TBC1D9: variants seen among roughly 807,000 people sequenced by gnomAD.
TBC1D9 encodes the protein TBC1 domain family member 9A.
A neutral mutation model predicts 132.0 loss-of-function variants in TBC1D9; 63 were observed. The observed-to-expected ratio is 0.48, with a 90% CI of 0.39 to 0.59. TBC1D9 has a LOEUF of 0.59. Ranked by LOEUF, TBC1D9 falls within the 20% of genes least tolerant of loss-of-function variation. TBC1D9 has a pLI of 0.00. For missense variants in TBC1D9, 1,261 were observed against 1,592.7 expected (o/e 0.79, Z 3.54); for synonymous variants, 610 against 609.9 (o/e 1.00, Z 0.00).
chr4:140,672,209 A>C (rs1737548312), intron 6 of TBC1D9, among the ~76,000 whole-genome samples: 1 of 149,778 alleles, frequency 6.7e-6, no homozygotes, highest in Non-Finnish European at 1.5e-5. Context: ...TATATGTGTT[A>C]ATATATGACA....
At chr4:140,715,497 A>G (rs928780594) in intron 1 of TBC1D9, among the ~76,000 whole-genome samples, 7 of 152,358 alleles carry the variant, frequency 4.6e-5, no homozygotes, top group African/African-American at 1.2e-4. Context: ...AGTGACCAAC[A>G]AAAACCCTAA....
At chr4:140,709,248 T>TCTCTCTCTCTCTCTCA (rs1382500714) in intron 1 of TBC1D9, among the ~76,000 whole-genome samples, 1 of 104,148 alleles carries the variant, frequency 9.6e-6, no homozygotes, top group African/African-American at 4.4e-5. Flanking sequence ...TCTCTCTCTC[T>TCTCTCTCTCTCTCTCA]CACACACACA....
intron 15 of TBC1D9, among the ~76,000 whole-genome samples, chr4:140,637,372 AT>A (rs1736897827): frequency 6.7e-6 from 1 of 149,044 alleles, no homozygotes; most frequent in Non-Finnish European, 1.5e-5. Context: ...AAAAAAAAAG[AT>A]GTGATTTCAA....
intron 2 of TBC1D9, among the ~76,000 whole-genome samples, chr4:140,698,684 G>A (rs937504985): frequency 6.6e-6 from 1 of 151,292 alleles, no homozygotes; most frequent in African/African-American, 2.4e-5. Flanking sequence ...GTTGCAGTGA[G>A]CTGAGATCGT....
chr4:140,710,913 G>A (rs1738232513), intron 1 of TBC1D9, among the ~76,000 whole-genome samples: 1 of 152,120 alleles, frequency 6.6e-6, no homozygotes, highest in Admixed American at 6.5e-5. Context: ...ATTAAGCCAA[G>A]CCCAGCGCTT....
chr4:140,699,297 A>T (rs1205565472), intron 2 of TBC1D9, among the ~76,000 whole-genome samples: 2 of 152,212 alleles, frequency 1.3e-5, no homozygotes, highest in Non-Finnish European at 2.9e-5. Context: ...CCTAAAGGAG[A>T]GAAAAATCCC....
Position 140,669,748 on chromosome 4 carries a change from A to G in TBC1D9, c.1323T>C (p.Ser441=), listed in dbSNP as rs757055738. 2.5e-6 allele frequency: 4 copies of G among 1,613,986 alleles called. No homozygotes were observed. The highest frequency in any genetic ancestry group is 3.4e-6 in the Non-Finnish European group (4 of 1,179,880). Residue 441 remains serine (S), a synonymous_variant, in exon 8 of 21, where the codon TCT becomes TCC. Coordinates refer to ENST00000442267, the MANE Select transcript of TBC1D9 (RefSeq NM_015130.3). ...VSSSPQRSTS[S]DADGERQFNL... The stretch of plus-strand genomic sequence containing the variant: ...TAAACTGGCGCTCTCCATCAGCATC[A>G]GAGCTCGTGCTTCTCTGGGGGCTGG...
intron 1 of TBC1D9, among the ~76,000 whole-genome samples, chr4:140,709,246 TCTCACACACACACACACACACACA>T (rs1300246442): frequency 3.9e-5 from 4 of 102,382 alleles, no homozygotes; most frequent in African/African-American, 1.8e-4. Context: ...TCTCTCTCTC[TCTCACACACACACACACACACACA>T]CACACACACA....
At chr4:140,703,948 G>A (rs1738110593) in intron 1 of TBC1D9, among the ~76,000 whole-genome samples, 1 of 152,134 alleles carries the variant, frequency 6.6e-6, no homozygotes, top group Admixed American at 6.5e-5. Context: ...TGGAAGAATA[G>A]GACACATAAA....
At chr4:140,737,071 G>T (rs1738683799) in intron 1 of TBC1D9, among the ~76,000 whole-genome samples, 1 of 152,196 alleles carries the variant, frequency 6.6e-6, no homozygotes. Flanking sequence ...TCAGGAATTA[G>T]ATTCTCGTAA....
At chr4:140,733,548 T>G (rs1339930483) in intron 1 of TBC1D9, among the ~76,000 whole-genome samples, 1 of 152,210 alleles carries the variant, frequency 6.6e-6, no homozygotes, top group African/African-American at 2.4e-5. Flanking sequence ...TCTTATTATG[T>G]GTGTTTACAT....
intron 1 of TBC1D9, 44 bp from the exon 2 acceptor site, chr4:140,701,658 T>C (rs1174733718): frequency 2.0e-6 from 3 of 1,484,982 alleles, no homozygotes; most frequent in South Asian, 2.3e-5. Flanking sequence ...ATTGCCTTAG[T>C]ACTTTCCCAC....
chr4:140,732,755 GT>G (rs1033602839), intron 1 of TBC1D9, among the ~76,000 whole-genome samples: 2 of 151,846 alleles, frequency 1.3e-5, no homozygotes, highest in Admixed American at 6.6e-5. Context: ...GGAAACCAGG[GT>G]TTTTTTTGGT....
chr4:140,669,550 G>C (rs1431020728), intron 8 of TBC1D9, 84 bp downstream of exon 8: 3 of 1,379,626 alleles, frequency 2.2e-6, no homozygotes, highest in Non-Finnish European at 3.0e-6. Flanking sequence ...ACATAGGCAT[G>C]TGTGAATTTA....
rs773866484 is a variant in TBC1D9 at position 140,723,165 on chromosome 4, C to T, written c.131-21551G>A. 1.3e-4 allele frequency among the ~76,000 whole-genome samples: 20 copies of T among 152,168 alleles called. 1 individual carries two copies. The highest frequency in any genetic ancestry group is 1.3e-4 in the Admixed American group (2 of 15,280). ...TAATTACTGTTACATGCTATGTACT[C>T]TCAGCTTCTCTTCTCAGGACCCTGG... On this transcript the variant is annotated intron_variant, in intron 1 of 20. Transcript: ENST00000442267.
At chr4:140,646,580 A>G (rs1737106360) in intron 13 of TBC1D9, among the ~76,000 whole-genome samples, 1 of 152,110 alleles carries the variant, frequency 6.6e-6, no homozygotes, top group Admixed American at 6.5e-5. Flanking sequence ...ACTCTAAACT[A>G]TCCTATTTCC....
chr4:140,676,847 A>G (rs1200885734), intron 6 of TBC1D9, 47 bp downstream of exon 6: 5 of 1,600,462 alleles, frequency 3.1e-6, no homozygotes, highest in Non-Finnish European at 4.3e-6. Context: ...CACCCAGAAA[A>G]GTATTACAAA....
At chr4:140,696,700 A>G (rs1256980297) in intron 2 of TBC1D9, among the ~76,000 whole-genome samples, 2 of 152,144 alleles carry the variant, frequency 1.3e-5, no homozygotes, top group South Asian at 2.1e-4. Flanking sequence ...TATGTGGTCT[A>G]TGTCAAGACA....
At chr4:140,681,480 T>C (rs546613249) in intron 3 of TBC1D9, among the ~76,000 whole-genome samples, 15 of 152,328 alleles carry the variant, frequency 9.8e-5, no homozygotes, top group African/African-American at 3.6e-4. Context: ...TCTCTGTCAC[T>C]GTCCTATTCT....
Sources: allele counts gnomAD v4.1 joint callset (sites outside exome capture counted in the v4.1 genomes callset), GRCh38; gene constraint gnomAD v4.1.1; transcripts MANE v1.5; gene names NCBI Gene and HGNC (gene_info 2026-07-23, HGNC 2026-07-21).